DYRK4: variants seen among roughly 807,000 people sequenced by gnomAD.
DYRK4 encodes dual specificity tyrosine-phosphorylation-regulated kinase 4.
Under a neutral mutation model 68.3 loss-of-function variants are expected in DYRK4, and 64 were observed. The observed-to-expected ratio is 0.94, with a 90% CI of 0.77 to 1.15. The LOEUF (loss-of-function observed/expected upper bound fraction) is 1.15, where lower values mean the gene tolerates loss of function less well. Among genes scored for constraint, DYRK4 ranks in the 50% most tolerant of loss-of-function variants. The pLI is 0.00. For missense variants in DYRK4, 740 were observed against 764.7 expected (o/e 0.97, Z 0.38); for synonymous variants, 274 against 289.9 (o/e 0.95, Z 0.56).
At chr12:4,590,218 G>C in intron 3 of DYRK4, 112 bp from the exon 4 acceptor site, 1 of 1,443,348 alleles carries the variant, frequency 6.9e-7, no homozygotes, top group South Asian at 1.5e-5. Flanking sequence ...GTCCAGATTG[G>C]GGTTAGGCTC....
intron 8 of DYRK4, 105 bp downstream of exon 8, chr12:4,596,834 C>G: frequency 6.4e-7 from 1 of 1,567,236 alleles, no homozygotes; most frequent in South Asian, 1.2e-5. Flanking sequence ...TATTTAGTAA[C>G]TAGAATGGAC....
chr12:4,612,667 TC>T lies in DYRK4; in HGVS notation c.1616del (p.Ser539LeufsTer59). On this transcript the variant is annotated frameshift_variant, in exon 14 of 15. Transcript: ENST00000543431. LOFTEE classifies it low-confidence loss of function (END_TRUNC). ...GAGGAAATCCAATTCCTTTTTCCCC[TC>T]TGAGACAAGGAAGGACAAGGTTCAA... is the stretch of plus-strand genomic sequence containing the variant. ...TLRKSNSFFP[S>X]ETRKDKVQGC... 4 of 1,614,070 alleles carry T rather than the reference TC, an allele frequency of 2.5e-6. No homozygotes were observed. Among genetic ancestry groups the T allele is most frequent in the Non-Finnish European group, 3.4e-6 (4 of 1,180,012 alleles).
At position 4,612,626 on chromosome 12, in the gene DYRK4, C is replaced by G. The variant is rs780786523; in HGVS notation, c.1574C>G (p.Pro525Arg). Residue 525 changes from proline (P) to arginine (R), a missense_variant, in exon 14 of 15, where the codon CCC becomes CGC. Pro to Arg is a moderately radical substitution (Grantham distance 103). Around this residue, in one of 3 missense-constraint regions of DYRK4, gnomAD observed 614 missense variants for 603.7 expected, o/e 1.02. Transcript: ENST00000543431. ...IHQSRNLKPQ[P>R]RPQTLRKSNS... The stretch of plus-strand genomic sequence containing the variant: ...CAGTCTCGGAACCTCAAGCCACAGC[C>G]CAGGCCCCAGACCCTGAGGAAATCC... 4 of 1,614,104 alleles carry G rather than the reference C, an allele frequency of 2.5e-6. No individual in the cohort carries two copies. In the African/African-American group the frequency reaches 5.3e-5, roughly 22 times the overall value.
intron 1 of DYRK4, among the ~76,000 whole-genome samples, chr12:4,564,873 T>C (rs1029755931): frequency 6.6e-6 from 1 of 152,088 alleles, no homozygotes. Flanking sequence ...TAACAATCAA[T>C]ATGAGACAAA....
intron 8 of DYRK4, among the ~76,000 whole-genome samples, chr12:4,598,673 G>A (rs1945045495): frequency 6.6e-6 from 1 of 152,196 alleles, no homozygotes; most frequent in African/African-American, 2.4e-5. Context: ...GGGCAGGAGT[G>A]GCTGCTTGTT....
chr12:4,605,729 G>GTTTTTTTTTTTT (rs58963826), intron 11 of DYRK4, among the ~76,000 whole-genome samples: 3 of 102,106 alleles, frequency 2.9e-5, no homozygotes, highest in Admixed American at 1.3e-4. Context: ...ATAGAGCTGG[G>GTTTTTTTTTTTT]TTTTTTTTTT....
chr12:4,568,621 A>G (rs10849095), intron 2 of DYRK4, among the ~76,000 whole-genome samples: 151,582 of 152,268 alleles, frequency 1, 75,453 homozygotes, highest in East Asian at 1. Flanking sequence ...CCCGACCTCA[A>G]GTGATCTGCC....
chr12:4,562,770 C>A (rs901569741), intron 1 of DYRK4, among the ~76,000 whole-genome samples: 4 of 152,242 alleles, frequency 2.6e-5, no homozygotes, highest in Non-Finnish European at 4.4e-5. Flanking sequence ...TATGCCCGGG[C>A]ACCTCTGTGC....
At position 4,590,338 on chromosome 12, in the gene DYRK4, T is replaced by G. The variant is rs938308857; in HGVS notation, c.222T>G (p.Ser74Arg). The change falls in exon 4 of 15, where the codon AGT (serine) becomes AGG (arginine). Residue 74 changes from serine to arginine, a missense_variant. Coordinates refer to ENST00000543431, the MANE Select transcript of DYRK4 (RefSeq NM_001394779.1). ...AATTTCTCCTTCTACAGAACACCAG[T>G]GTTACTTCACTCCCCTTTGTGGACA... ...RMTQVFHKNTSVTSLPFVDTK... is the reference protein window; with the variant it reads ...RMTQVFHKNTRVTSLPFVDTK... 5.0e-5 allele frequency: 77 copies of G among 1,535,022 alleles called. No homozygotes were observed. The highest frequency in any genetic ancestry group is 6.5e-5 in the Non-Finnish European group (75 of 1,146,536).
intron 10 of DYRK4, 52 bp from the exon 11 acceptor site, chr12:4,604,862 C>A: frequency 6.6e-7 from 1 of 1,514,902 alleles, no homozygotes. Context: ...GGAGAGCGTT[C>A]TGGAGGGTAA....
chr12:4,589,482 C>A (rs746542465), intron 3 of DYRK4, among the ~76,000 whole-genome samples: 6 of 152,186 alleles, frequency 3.9e-5, no homozygotes, highest in Non-Finnish European at 7.3e-5. Context: ...CTGACCACTA[C>A]CCTTCCCAGC....
intron 2 of DYRK4, among the ~76,000 whole-genome samples, chr12:4,588,419 C>G (rs1944919179): frequency 6.6e-6 from 1 of 152,218 alleles, no homozygotes; most frequent in Admixed American, 6.5e-5. Context: ...CTCTGGGACA[C>G]ACTGCTCTAG....
intron 8 of DYRK4, among the ~76,000 whole-genome samples, chr12:4,598,531 CA>C (rs568663096): frequency 6.6e-6 from 1 of 152,228 alleles, no homozygotes; most frequent in Non-Finnish European, 1.5e-5. Context: ...CTCAAAGGAG[CA>C]GTTAGGTGGG....
At chr12:4,606,030 T>C (rs1270419988) in intron 11 of DYRK4, among the ~76,000 whole-genome samples, 3 of 152,210 alleles carry the variant, frequency 2.0e-5, no homozygotes, top group African/African-American at 7.2e-5. Flanking sequence ...CTTCAAAGTA[T>C]GTGTATTGTT....
rs150685750 is a variant in DYRK4, at chr12:4,602,429, A to G, written c.1127-2485A>G. On this transcript the variant is annotated intron_variant, in intron 10 of 14. Coordinates refer to ENST00000543431, the MANE Select transcript of DYRK4 (RefSeq NM_001394779.1). ...AGTATGTTGAGGTCACTGATGAGAT[A>G]TGTGCAGACTGTCCTGATTAGATTT... 2.5e-4 allele frequency: 251 copies of G among 1,018,454 alleles called. 1 individual carries two copies. The African/African-American group carries it at 3.5e-3, about 14-fold the overall frequency. 63.1% of individuals were successfully genotyped at this position (1,018,454 alleles called of 1,614,324 possible).
At position 4,586,465 on chromosome 12, in the gene DYRK4, T is replaced by A. The variant is rs1220644087; in HGVS notation, c.133-2472T>A. Reference sequence around the variant, plus strand: ...AAAAATCCTGTCTTGCAGCTGTGAATACGGGAGAGCACACCCGCTTCCTTT... The same window carrying A: ...AAAAATCCTGTCTTGCAGCTGTGAAAACGGGAGAGCACACCCGCTTCCTTT... On this transcript the variant is annotated intron_variant, in intron 2 of 14. Transcript: ENST00000543431. Among the ~76,000 whole-genome samples, 3 of 152,216 alleles carry A rather than the reference T, an allele frequency of 2.0e-5. 1 individual carries two copies. Among genetic ancestry groups the A allele is most frequent in the African/African-American group, 7.2e-5 (3 of 41,458 alleles).
At chr12:4,567,053 A>G (rs1489857837) in intron 1 of DYRK4, among the ~76,000 whole-genome samples, 1 of 152,246 alleles carries the variant, frequency 6.6e-6, no homozygotes, top group Non-Finnish European at 1.5e-5. Context: ...TTCATAAAAC[A>G]TATGTGTGCC....
intron 2 of DYRK4, among the ~76,000 whole-genome samples, chr12:4,577,989 C>A (rs1248433725): frequency 6.6e-6 from 1 of 152,158 alleles, no homozygotes; most frequent in East Asian, 1.9e-4. Context: ...TTTTATCCTG[C>A]AGCTTTTATA....
chr12:4,601,982 C>A, intron 10 of DYRK4: 1 of 277,516 alleles, frequency 3.6e-6, no homozygotes, highest in South Asian at 4.0e-5. Flanking sequence ...TTTTCTGTTC[C>A]TTCAAAGTCT....
Sources: allele counts gnomAD v4.1 joint callset (sites outside exome capture counted in the v4.1 genomes callset), GRCh38; gene constraint gnomAD v4.1.1; regional missense constraint gnomAD v4.1.1; transcripts MANE v1.5; gene names NCBI Gene and HGNC (gene_info 2026-07-23, HGNC 2026-07-21).